THEMIS: variants seen among roughly 807,000 people sequenced by gnomAD.
THEMIS encodes thymocyte selection associated.
THEMIS carries 37 observed loss-of-function variants against 52.6 expected under a neutral mutation model. The ratio of observed to expected loss-of-function variants is 0.70; its 90% CI spans 0.54 to 0.93. The LOEUF (loss-of-function observed/expected upper bound fraction) is 0.93. Among genes scored for constraint, THEMIS ranks in the 40% least tolerant of loss-of-function variants. The pLI, the probability that THEMIS is intolerant of heterozygous loss-of-function variation, is 0.00. For missense variants in THEMIS, 808 were observed against 763.1 expected (o/e 1.06, Z -0.69); for synonymous variants, 292 against 272.7 (o/e 1.07, Z -0.70).
At chr6:127,744,450 A>C (rs761074122) in intron 4 of THEMIS, among the ~76,000 whole-genome samples, 8 of 152,184 alleles carry the variant, frequency 5.3e-5, no homozygotes, top group African/African-American at 1.9e-4. Context: ...CAGAAGAATT[A>C]AGAAAGAAAA....
chr6:127,867,437 C>T (rs1007962330), intron 1 of THEMIS, among the ~76,000 whole-genome samples: 6 of 152,114 alleles, frequency 3.9e-5, no homozygotes, highest in African/African-American at 7.2e-5. Flanking sequence ...CTTTCTTCAA[C>T]AGATCTCCCA....
intron 3 of THEMIS, among the ~76,000 whole-genome samples, chr6:127,826,524 A>AT (rs1778512744): frequency 6.6e-6 from 1 of 152,054 alleles, no homozygotes; most frequent in African/African-American, 2.4e-5. Context: ...AGGCATTGAG[A>AT]TTTTTTCAAA....
chr6:127,880,718 T>C (rs1780458688), intron 1 of THEMIS, among the ~76,000 whole-genome samples: 1 of 151,946 alleles, frequency 6.6e-6, no homozygotes, highest in Non-Finnish European at 1.5e-5. Flanking sequence ...ACCTCTTGAG[T>C]CCTATCTATT....
intron 4 of THEMIS, among the ~76,000 whole-genome samples, chr6:127,726,741 T>C (rs746069439): frequency 6.6e-5 from 10 of 152,150 alleles, no homozygotes; most frequent in Non-Finnish European, 1.3e-4. Context: ...TATAATCACA[T>C]ACTTTGATTG....
the THEMIS span, among the ~76,000 whole-genome samples, chr6:127,697,475 C>T: frequency 6.6e-6 from 1 of 152,116 alleles, no homozygotes; most frequent in Non-Finnish European, 1.5e-5. Context: ...AATAAGAAAC[C>T]ATCAGTTTCT....
chr6:127,805,651 A>C (rs1777677420), intron 4 of THEMIS, among the ~76,000 whole-genome samples: 1 of 152,002 alleles, frequency 6.6e-6, no homozygotes, highest in Non-Finnish European at 1.5e-5. Context: ...TTCTGTCCTA[A>C]TATTTATCCA....
chr6:127,840,464 T>C (rs1387141101), intron 2 of THEMIS, among the ~76,000 whole-genome samples: 1 of 152,132 alleles, frequency 6.6e-6, no homozygotes, highest in Non-Finnish European at 1.5e-5. Context: ...CAGAAACAAA[T>C]GTATCTAATA....
intron 2 of THEMIS, among the ~76,000 whole-genome samples, chr6:127,841,189 T>G (rs1334239701): frequency 6.6e-6 from 1 of 152,002 alleles, no homozygotes; most frequent in East Asian, 1.9e-4. Flanking sequence ...GAGGCTGCCA[T>G]ATATGGCATG....
chr6:127,757,928 T>C (rs78814199), intron 4 of THEMIS, among the ~76,000 whole-genome samples: 10,577 of 152,090 alleles, frequency 0.07, 378 homozygotes, highest in Non-Finnish European at 0.086. Flanking sequence ...TTATTCTCTA[T>C]AGATTGATAG....
At chr6:127,764,326 ATTT>A (rs143455507) in intron 4 of THEMIS, among the ~76,000 whole-genome samples, 3 of 149,088 alleles carry the variant, frequency 2.0e-5, no homozygotes, top group Non-Finnish European at 4.5e-5. Flanking sequence ...ATCTTGAGGC[ATTT>A]TTTTTTTACT....
chr6:127,894,024 T>C (rs1780890402), intron 1 of THEMIS, among the ~76,000 whole-genome samples: 1 of 151,868 alleles, frequency 6.6e-6, no homozygotes, highest in Non-Finnish European at 1.5e-5. Flanking sequence ...CTCTCTAACA[T>C]AGGCACATGG....
At chr6:127,892,031 T>C (rs772520574) in intron 1 of THEMIS, among the ~76,000 whole-genome samples, 9 of 152,152 alleles carry the variant, frequency 5.9e-5, no homozygotes, top group African/African-American at 2.2e-4. Flanking sequence ...TGCTCCAAAA[T>C]CATTTCTTCA....
intron 1 of THEMIS, among the ~76,000 whole-genome samples, chr6:127,862,428 A>AGTTTTTTTTTTTTTTTTTTTTTTTTT (rs1779833769): frequency 1.4e-5 from 1 of 72,808 alleles, no homozygotes; most frequent in Non-Finnish European, 2.8e-5. Flanking sequence ...TAGGGAGTAA[A>AGTTTTTTTTTTTTTTTTTTTTTTTTT]TTTTTTTTTT....
At chr6:127,914,587 T>C (rs1180768400) in intron 1 of THEMIS, among the ~76,000 whole-genome samples, 2 of 152,190 alleles carry the variant, frequency 1.3e-5, no homozygotes, top group African/African-American at 4.8e-5. Flanking sequence ...TGTAGGCAAC[T>C]GTAACACAGT....
intron 4 of THEMIS, among the ~76,000 whole-genome samples, chr6:127,787,838 G>GATAC (rs374118281): frequency 1.6e-5 from 2 of 126,298 alleles, no homozygotes; most frequent in South Asian, 4.8e-4. Context: ...TAGATAGATA[G>GATAC]AGATAGACAG....
Position 127,708,514 on chromosome 6 carries a change from C to T in THEMIS, c.*1471G>A, listed in dbSNP as rs1773866834. The T allele has an allele frequency of 6.6e-6, 1 of 151,974 alleles. No individual in the cohort carries two copies. 9.4% of individuals were successfully genotyped at this position (151,974 alleles called of 1,614,324 possible). The stretch of plus-strand genomic sequence containing the variant: ...ACAAATTATATGAGTCTAAAAACAC[C>T]TATGGTGCAGTTTGTCAAGGCTGTT... On this transcript the variant is annotated 3_prime_UTR_variant, in exon 6 of 6. Transcript: ENST00000368248.
In THEMIS at chr6:127,915,586, A is replaced by AAGAGAGAGAGAG. The variant is rs34353449; in HGVS notation, c.-150+2830_-150+2841dup. ...GTGGGGAGAGAGAGGGTCAGAGAGA[A>AAGAGAGAGAGAG]AGAGAGAGAGAGAGAGAGAGAGAGA... On this transcript the variant is annotated intron_variant, in intron 1 of 6. Coordinates refer to the THEMIS transcript ENST00000368250. Among the ~76,000 whole-genome samples the AAGAGAGAGAGAG allele has an allele frequency of 2.1e-3, 299 of 140,428 alleles. 1 individual carries two copies. Among genetic ancestry groups the AAGAGAGAGAGAG allele is most frequent in the African/African-American group, 7.1e-3 (264 of 37,210 alleles). 92.1% of individuals were successfully genotyped at this position (140,428 alleles called of 152,430 possible). A position where few individuals can be genotyped will look rare whatever the true frequency, so the allele number is the denominator to read the frequency against.
At chr6:127,815,552 C>T (rs1472427129) in intron 3 of THEMIS, among the ~76,000 whole-genome samples, 1 of 151,802 alleles carries the variant, frequency 6.6e-6, no homozygotes, top group Non-Finnish European at 1.5e-5. Flanking sequence ...TGCCTATAGG[C>T]TAAAGATCTG....
intron 3 of THEMIS, among the ~76,000 whole-genome samples, chr6:127,824,531 G>A (rs1778438760): frequency 6.6e-6 from 1 of 151,282 alleles, no homozygotes; most frequent in Admixed American, 6.6e-5. Flanking sequence ...CTGTAAATAT[G>A]AACATATTAC....
Sources: gnomAD v4.1 joint callset for allele counts (sites outside exome capture counted in the v4.1 genomes callset) on GRCh38, gnomAD v4.1.1 for gene constraint, MANE v1.5 for transcripts, NCBI Gene and HGNC (gene_info 2026-07-23, HGNC 2026-07-21) for gene names.